Variants in SBF2 observed in about 807,000 individuals in gnomAD.
SBF2 encodes the protein SET binding factor 2.
Under a neutral mutation model 225.2 loss-of-function variants are expected in SBF2, and 112 were observed. The observed-to-expected ratio is 0.50, with a 90% CI of 0.43 to 0.58. The LOEUF (loss-of-function observed/expected upper bound fraction) is 0.58, where lower values mean the gene tolerates loss of function less well. Among genes scored for constraint, SBF2 ranks in the 20% least tolerant of loss-of-function variants. The probability of loss-of-function intolerance (pLI) is 0.00; values close to 1 mark genes in which losing one functional copy is unlikely to be tolerated. For synonymous variants in SBF2, 763 were observed against 773.3 expected (o/e 0.99, Z 0.22); for missense variants, 1,996 against 2,206.2 (o/e 0.90, Z 1.91).
intron 25 of SBF2, among the ~76,000 whole-genome samples, chr11:9,842,003 C>G (rs1856193860): frequency 6.6e-6 from 1 of 152,222 alleles, no homozygotes; most frequent in Non-Finnish European, 1.5e-5. Context: ...TAATGGCATT[C>G]TGCCTCCCAT....
chr11:9,786,540 T>C (rs1385473601), intron 36 of SBF2, among the ~76,000 whole-genome samples: 1 of 152,188 alleles, frequency 6.6e-6, no homozygotes, highest in Non-Finnish European at 1.5e-5. Context: ...AAAGGTTTTC[T>C]TCTACCCTCC....
chr11:10,098,604 C>T (rs1952137919), intron 2 of SBF2, among the ~76,000 whole-genome samples: 1 of 150,330 alleles, frequency 6.7e-6, no homozygotes, highest in Admixed American at 6.6e-5. Context: ...TAACAAGCTA[C>T]AAGAGGTCAC....
intron 1 of SBF2, among the ~76,000 whole-genome samples, chr11:10,277,252 T>TAAAC (rs61700623): frequency 9.9e-5 from 15 of 151,642 alleles, no homozygotes; most frequent in South Asian, 4.2e-4. Context: ...ACTCTGTCTC[T>TAAAC]AAACAAACAA....
intron 2 of SBF2, among the ~76,000 whole-genome samples, chr11:10,175,390 C>G (rs371614823): frequency 0.057 from 8,437 of 149,026 alleles, 280 homozygotes; most frequent in Middle Eastern, 0.14. Context: ...GACTTTAAAC[C>G]AACAAAGATC....
intron 11 of SBF2, 26 bp downstream of exon 11, chr11:9,992,964 A>G: frequency 1.4e-6 from 2 of 1,470,866 alleles, no homozygotes; most frequent in East Asian, 2.3e-5. Context: ...TTTTTTGGAC[A>G]GATACAATAT....
chr11:9,896,015 T>C lies in SBF2; in HGVS notation c.1861-4A>G, dbSNP rs1861224265. 1 of 1,610,684 alleles carries C rather than the reference T, an allele frequency of 6.2e-7. No individual in the cohort carries two copies. On this transcript the variant is annotated splice_region_variant and splice_polypyrimidine_tract_variant and intron_variant, in intron 16 of 39. Transcript: ENST00000256190. ...ATTCTTCTAAACTTGAACAATCCTT[T>C]AAGCAAAACAAAGACAAAAGAGCAT...
At chr11:10,249,292 CTGAT>C (rs1238241952) in intron 1 of SBF2, among the ~76,000 whole-genome samples, 1 of 152,012 alleles carries the variant, frequency 6.6e-6, no homozygotes, top group African/African-American at 2.4e-5. Flanking sequence ...TATGGTCAAA[CTGAT>C]TAAGATTGGA....
intron 2 of SBF2, among the ~76,000 whole-genome samples, chr11:10,093,428 T>C (rs1475556727): frequency 2.0e-5 from 3 of 151,556 alleles, no homozygotes; most frequent in African/African-American, 7.3e-5. Context: ...CTTGAAAGAA[T>C]AAGCTGCTTT....
intron 1 of SBF2, among the ~76,000 whole-genome samples, chr11:10,240,979 A>G (rs1231621428): frequency 6.6e-6 from 1 of 152,224 alleles, no homozygotes; most frequent in Non-Finnish European, 1.5e-5. Flanking sequence ...TGTTTGACAA[A>G]TTAATATTAA....
chr11:10,056,780 G>T (rs979671297), intron 2 of SBF2, among the ~76,000 whole-genome samples: 2 of 151,960 alleles, frequency 1.3e-5, no homozygotes, highest in Non-Finnish European at 2.9e-5. Flanking sequence ...CCCCTGGGAT[G>T]GTGCTCCAGA....
intron 2 of SBF2, among the ~76,000 whole-genome samples, chr11:10,126,663 C>A (rs1343732413): frequency 1.3e-5 from 2 of 151,940 alleles, no homozygotes; most frequent in Non-Finnish European, 2.9e-5. Flanking sequence ...TTCATACAAT[C>A]CAACAATTTT....
intron 2 of SBF2, chr11:10,044,550 A>G: frequency 4.6e-6 from 1 of 216,470 alleles, no homozygotes; most frequent in Non-Finnish European, 9.0e-6. Context: ...CCAGACTGGG[A>G]AGCAACAGTC....
intron 29 of SBF2, among the ~76,000 whole-genome samples, chr11:9,814,507 T>TA (rs1270550582): frequency 2.0e-5 from 3 of 151,830 alleles, no homozygotes; most frequent in Admixed American, 1.3e-4. Context: ...GTATCTCAAT[T>TA]AAAAAAAATA....
At chr11:9,782,183 T>TA (rs11345786) in intron 38 of SBF2, among the ~76,000 whole-genome samples, 3 of 139,524 alleles carry the variant, frequency 2.2e-5, no homozygotes, top group East Asian at 2.1e-4. Context: ...TCTCAAAAAA[T>TA]AAAAAAAAAA....
Position 9,969,286 on chromosome 11 carries a change from G to A in SBF2, c.1396-741C>T, listed in dbSNP as rs530874371. Among the ~76,000 whole-genome samples the A allele has an allele frequency of 4.6e-5, 7 of 152,198 alleles. No homozygotes were observed. The South Asian group carries it at 6.2e-4, about 14-fold the overall frequency. ...ACTTTGGTTCAAGTCAACACCTCAC[G>A]TTACAGCAATACAACAGTCTCCTAG... On this transcript the variant is annotated intron_variant, in intron 13 of 39. Coordinates refer to ENST00000256190, the MANE Select transcript of SBF2 (RefSeq NM_030962.4).
chr11:10,198,974 T>C (rs900036713), intron 1 of SBF2, among the ~76,000 whole-genome samples: 8 of 152,216 alleles, frequency 5.3e-5, no homozygotes, highest in African/African-American at 1.9e-4. Context: ...ATATCAGTAA[T>C]AATGCTGTCT....
intron 2 of SBF2, among the ~76,000 whole-genome samples, chr11:10,104,404 C>T (rs1224810008): frequency 6.6e-6 from 1 of 152,154 alleles, no homozygotes; most frequent in Non-Finnish European, 1.5e-5. Context: ...AATGGCTGCC[C>T]ACTTCTTTGT....
intron 2 of SBF2, among the ~76,000 whole-genome samples, chr11:10,068,682 A>G (rs1194050273): frequency 6.6e-6 from 1 of 152,174 alleles, no homozygotes; most frequent in African/African-American, 2.4e-5. Context: ...TTTAATAAAT[A>G]GTAGCTATTG....
chr11:10,003,713 C>T (rs1948073131), intron 6 of SBF2, among the ~76,000 whole-genome samples: 3 of 151,842 alleles, frequency 2.0e-5, no homozygotes, highest in Admixed American at 2.0e-4. Flanking sequence ...TTTTCAATTT[C>T]TCCTGTCTCT....
Sources: allele counts gnomAD v4.1 joint callset (sites outside exome capture counted in the v4.1 genomes callset), GRCh38; gene constraint gnomAD v4.1.1; transcripts MANE v1.5; gene names NCBI Gene and HGNC (gene_info 2026-07-23, HGNC 2026-07-21).